Variants in MECOM observed in about 807,000 individuals in gnomAD.
MECOM encodes histone-lysine N-methyltransferase MECOM.
Under a neutral mutation model 116.3 loss-of-function variants are expected in MECOM, and 13 were observed. The observed-to-expected ratio is 0.11, with a 90% CI of 0.07 to 0.18. The LOEUF is 0.18. Among genes scored for constraint, MECOM ranks in the 10% least tolerant of loss-of-function variants. The pLI, the probability that MECOM is intolerant of heterozygous loss-of-function variation, is 1.00. For missense variants in MECOM, 1,299 were observed against 1,509.0 expected, an observed-to-expected ratio of 0.86 and a Z score of 2.31; for synonymous variants, 528 against 535.2, an observed-to-expected ratio of 0.99 and a Z score of 0.19.
intron 1 of MECOM, among the ~76,000 whole-genome samples, chr3:169,607,445 G>T (rs1366335557): frequency 1.3e-5 from 2 of 152,194 alleles, no homozygotes; most frequent in African/African-American, 4.8e-5. Flanking sequence ...TGAGGGGAGA[G>T]GGAAATTGCA....
chr3:169,111,437 T>A (rs1727363855), intron 9 of MECOM, among the ~76,000 whole-genome samples: 1 of 152,154 alleles, frequency 6.6e-6, no homozygotes, highest in South Asian at 2.1e-4. Flanking sequence ...GTACTTTTTG[T>A]ACAATATCTG....
At chr3:169,466,679 G>A (rs1363938334) in intron 1 of MECOM, among the ~76,000 whole-genome samples, 1 of 151,922 alleles carries the variant, frequency 6.6e-6, no homozygotes, top group Non-Finnish European at 1.5e-5. Context: ...ATGCCAGTTT[G>A]TGGCTCTTTC....
intron 5 of MECOM, among the ~76,000 whole-genome samples, chr3:169,124,010 C>A (rs1731961066): frequency 6.6e-6 from 1 of 152,014 alleles, no homozygotes; most frequent in Non-Finnish European, 1.5e-5. Flanking sequence ...AACAAATAGG[C>A]TATGAAGGGA....
At position 169,398,484 on chromosome 3, in the gene MECOM, T is replaced by C. The variant is rs1425309400; in HGVS notation, c.38-16960A>G. Among the ~76,000 whole-genome samples the C allele has an allele frequency of 2.0e-5, 3 of 152,172 alleles. No homozygotes were observed. In the East Asian group the frequency reaches 5.8e-4, roughly 29 times the overall value. ...AAGATTGACATTCATTTTAGAAAAA[T>C]GTAGGAGGGTTAGAGTTCTTCAACC... On this transcript the variant is annotated intron_variant, in intron 1 of 16. Coordinates refer to ENST00000651503, the MANE Select transcript of MECOM (RefSeq NM_004991.4).
intron 1 of MECOM, among the ~76,000 whole-genome samples, chr3:169,543,417 A>T (rs1288629357): frequency 6.6e-6 from 1 of 152,144 alleles, no homozygotes; most frequent in Admixed American, 6.5e-5. Flanking sequence ...TCTACAAAAA[A>T]GTTTAAAATT....
At chr3:169,454,156 C>A (rs1299410593) in intron 1 of MECOM, among the ~76,000 whole-genome samples, 3 of 152,126 alleles carry the variant, frequency 2.0e-5, no homozygotes, top group Non-Finnish European at 4.4e-5. Flanking sequence ...GTGCTATATT[C>A]TAATTAAAGG....
chr3:169,587,698 T>A (rs1240746518), intron 1 of MECOM, among the ~76,000 whole-genome samples: 1 of 152,148 alleles, frequency 6.6e-6, no homozygotes, highest in African/African-American at 2.4e-5. Flanking sequence ...CAAAAGATAG[T>A]TTCCAATGCT....
intron 1 of MECOM, among the ~76,000 whole-genome samples, chr3:169,397,635 C>T (rs181657199): frequency 2.3e-4 from 35 of 152,250 alleles, no homozygotes; most frequent in Admixed American, 1.6e-3. Context: ...CCTTAGCTGA[C>T]GAATGAACAT....
intron 2 of MECOM, among the ~76,000 whole-genome samples, chr3:169,215,219 CT>C (rs908599858): frequency 1.6e-4 from 22 of 140,210 alleles, no homozygotes; most frequent in African/African-American, 2.4e-4. Context: ...GACTCATTGT[CT>C]TTTTTTTCCC....
chr3:169,115,837 C>A lies in MECOM; in HGVS notation c.2035G>T (p.Val679Leu), dbSNP rs763071976. The change falls in exon 8 of 17, where the codon GTG becomes TTG. Residue 679 changes from valine (V) to leucine (L), a missense_variant. Physicochemically the swap from Val to Leu is conservative, Grantham distance 32. Around this residue, in one of 6 missense-constraint regions of MECOM, gnomAD observed 340 missense variants for 312.6 expected, o/e 1.09. Coordinates refer to ENST00000651503, the MANE Select transcript of MECOM (RefSeq NM_004991.4). ...AEKYFGSTGL[V>L]GLQDKKVGAL... is the part of the protein sequence containing the mutation. The stretch of plus-strand genomic sequence containing the variant: ...CCAACTTTTTTGTCTTGCAGCCCCA[C>A]CAGTCCTGTTGAACCAAAGTATTTT... The A allele has an allele frequency of 3.1e-6, 5 of 1,613,968 alleles. No homozygotes were observed. The Admixed American group carries it at 8.3e-5, about 27-fold the overall frequency.
At chr3:169,192,133 T>C (rs945295265) in intron 2 of MECOM, among the ~76,000 whole-genome samples, 2 of 152,082 alleles carry the variant, frequency 1.3e-5, no homozygotes, top group African/African-American at 2.4e-5. Flanking sequence ...CAGTTTATTA[T>C]AAGTCTGGAA....
At chr3:169,506,845 T>C (rs537408509) in intron 1 of MECOM, among the ~76,000 whole-genome samples, 1 of 152,342 alleles carries the variant, frequency 6.6e-6, no homozygotes, top group East Asian at 1.9e-4. Context: ...TTGGCTCATC[T>C]CTCTGCCTTT....
chr3:169,457,882 A>G (rs1746787111), intron 1 of MECOM, among the ~76,000 whole-genome samples: 1 of 152,188 alleles, frequency 6.6e-6, no homozygotes, highest in South Asian at 2.1e-4. Context: ...GATGTAACCT[A>G]AGCTAGGTTT....
chr3:169,656,835 A>G (rs1775599622), intron 1 of MECOM, among the ~76,000 whole-genome samples: 1 of 152,198 alleles, frequency 6.6e-6, no homozygotes, highest in Non-Finnish European at 1.5e-5. Context: ...CACACTTTCA[A>G]AAGGACTAGA....
At chr3:169,172,407 A>ATGTGAGTGTGTGTGTG (rs1553758528) in intron 2 of MECOM, among the ~76,000 whole-genome samples, 5 of 144,374 alleles carry the variant, frequency 3.5e-5, no homozygotes, top group African/African-American at 1.3e-4. Flanking sequence ...GTACCCTTGT[A>ATGTGAGTGTGTGTGTG]TGTGTGTGTG....
intron 3 of MECOM, chr3:169,133,877 G>A (rs953849625): frequency 3.2e-6 from 4 of 1,266,870 alleles, no homozygotes; most frequent in Non-Finnish European, 4.1e-6. Flanking sequence ...TTTCCCCTTA[G>A]AAAACAATGG....
intron 2 of MECOM, among the ~76,000 whole-genome samples, chr3:169,291,297 A>G (rs1714508007): frequency 6.6e-6 from 1 of 152,168 alleles, no homozygotes; most frequent in South Asian, 2.1e-4. Context: ...CCAACTCACT[A>G]TCAAGGAAGA....
chr3:169,174,669 T>C (rs1278432345), intron 2 of MECOM, among the ~76,000 whole-genome samples: 1 of 152,164 alleles, frequency 6.6e-6, no homozygotes, highest in African/African-American at 2.4e-5. Context: ...AGATATTGGA[T>C]CGGAAATTCT....
At chr3:169,110,624 C>T (rs1375064232) in intron 9 of MECOM, among the ~76,000 whole-genome samples, 1 of 152,204 alleles carries the variant, frequency 6.6e-6, no homozygotes, top group East Asian at 1.9e-4. Context: ...CCAAACACCC[C>T]TCAGATAGTC....
Sources: gnomAD v4.1 joint callset for allele counts (sites outside exome capture counted in the v4.1 genomes callset) on GRCh38, gnomAD v4.1.1 for gene constraint, gnomAD v4.1.1 regional missense constraint, MANE v1.5 for transcripts, NCBI Gene and HGNC (gene_info 2026-07-23, HGNC 2026-07-21) for gene names.